The following TUBD1 variants were observed in gnomAD, a reference collection of about 807,000 sequenced individuals.
The protein encoded by TUBD1 is tubulin delta 1.
TUBD1 carries 38 observed loss-of-function variants against 51.2 expected under a neutral mutation model. The ratio of observed to expected loss-of-function variants is 0.74; its 90% CI spans 0.57 to 0.97. The LOEUF (loss-of-function observed/expected upper bound fraction) is 0.97. TUBD1 is among the 50% of genes least tolerant of loss of function. The probability of loss-of-function intolerance (pLI) is 0.00; values close to 1 mark genes in which losing one functional copy is unlikely to be tolerated. For synonymous variants in TUBD1, 169 were observed against 178.2 expected (o/e 0.95, Z 0.41); for missense variants, 489 against 538.4 (o/e 0.91, Z 0.91).
intron 6 of TUBD1, 112 bp downstream of exon 6, chr17:59,874,427 T>C (rs1370775809): frequency 1.9e-6 from 2 of 1,042,588 alleles, no homozygotes; most frequent in African/African-American, 3.2e-5. Flanking sequence ...GGAGTCTCTC[T>C]AGCCAGAAAA....
At chr17:59,870,372 C>CAAAAAA (rs530315478) in intron 6 of TUBD1, among the ~76,000 whole-genome samples, 65 of 77,948 alleles carry the variant, frequency 8.3e-4, no homozygotes, top group Non-Finnish European at 1.1e-3. Context: ...CTCCATCTCA[C>CAAAAAA]AAAAAAAAAA....
At chr17:59,869,352 T>C (rs987114787) in intron 6 of TUBD1, among the ~76,000 whole-genome samples, 7 of 151,698 alleles carry the variant, frequency 4.6e-5, no homozygotes, top group African/African-American at 1.7e-4. Context: ...GGTGCGCACC[T>C]GTAGTCCCAG....
intron 6 of TUBD1, among the ~76,000 whole-genome samples, chr17:59,872,387 A>G (rs1445957239): frequency 3.9e-5 from 6 of 152,160 alleles, no homozygotes; most frequent in African/African-American, 1.4e-4. Flanking sequence ...GAGCCATCAC[A>G]TCTGAGAAGG....
At chr17:59,871,345 G>A (rs918524140) in intron 6 of TUBD1, among the ~76,000 whole-genome samples, 4 of 152,080 alleles carry the variant, frequency 2.6e-5, no homozygotes, top group South Asian at 2.1e-4. Context: ...GACTACAGGC[G>A]CCCGCCACCA....
chr17:59,878,424 C>G (rs2040325012), intron 4 of TUBD1, 90 bp from the exon 5 acceptor site: 1 of 895,154 alleles, frequency 1.1e-6, no homozygotes, highest in East Asian at 2.6e-5. Context: ...GGGTTCAAAT[C>G]CGGGCTCTGT....
At chr17:59,880,140 C>T (rs112500950) in intron 4 of TUBD1, among the ~76,000 whole-genome samples, 3,445 of 152,058 alleles carry the variant, frequency 0.023, 126 homozygotes, top group African/African-American at 0.078. Flanking sequence ...TCACTGCAGC[C>T]TCTGCCTCCC....
Position 59,890,814 on chromosome 17 carries a change from C to G in TUBD1, c.172+17G>C. On this transcript the variant is annotated intron_variant, in intron 2 of 8. Coordinates refer to ENST00000325752, the MANE Select transcript of TUBD1 (RefSeq NM_016261.4). The stretch of plus-strand genomic sequence containing the variant: ...GGTTAGATCAGAGTAAAGGAGAGGA[C>G]TGTGGGCCACACCTACCTCCATTCT... The G allele has an allele frequency of 6.3e-7, 1 of 1,597,190 alleles. No homozygotes were observed. The highest frequency in any genetic ancestry group is 1.3e-5 in the African/African-American group (1 of 74,554).
In TUBD1 at chr17:59,892,941, T is replaced by C; in HGVS notation, c.-284A>G. 1.9e-6 allele frequency: 1 copy of C among 533,156 alleles called. No individual in the cohort carries two copies. Among genetic ancestry groups the C allele is most frequent in the Non-Finnish European group, 3.4e-6 (1 of 296,902 alleles). The allele number at this position is 533,156 out of a possible 1,614,324, so 33.0% of individuals were successfully genotyped here. On this transcript the variant is annotated 5_prime_UTR_variant, in exon 1 of 9. Transcript: ENST00000325752. ...GTCCACCGAACGCTCCAGCTGACAA[T>C]GCGCATGCTCTAGTCCTCCAAGCGC...
At chr17:59,860,478 T>C (rs2039389196) in intron 8 of TUBD1, 54 bp from the exon 9 acceptor site, 1 of 1,138,050 alleles carries the variant, frequency 8.8e-7, no homozygotes, top group Non-Finnish European at 1.3e-6. Flanking sequence ...GTCTGGCAAA[T>C]GAGTAACTCT....
chr17:59,863,398 C>A (rs191653162), intron 8 of TUBD1, among the ~76,000 whole-genome samples: 4 of 152,106 alleles, frequency 2.6e-5, no homozygotes, highest in African/African-American at 9.7e-5. Flanking sequence ...ATCCCGAGGT[C>A]AGAAGTTCGA....
chr17:59,881,288 T>C, intron 3 of TUBD1, 178 bp from the exon 4 acceptor site: 1 of 593,164 alleles, frequency 1.7e-6, no homozygotes, highest in Non-Finnish European at 3.0e-6. Context: ...TTGAATATAT[T>C]TAACCCACTT....
intron 7 of TUBD1, among the ~76,000 whole-genome samples, chr17:59,866,230 T>G (rs1334935825): frequency 1.4e-5 from 2 of 143,466 alleles, no homozygotes; most frequent in Non-Finnish European, 3.0e-5. Context: ...AGAAAACAAT[T>G]CTTTTTTTTT....
At chr17:59,877,161 C>T (rs2040264309) in intron 5 of TUBD1, among the ~76,000 whole-genome samples, 1 of 152,142 alleles carries the variant, frequency 6.6e-6, no homozygotes, top group Non-Finnish European at 1.5e-5. Context: ...GCCTGGCCAC[C>T]TTGACCATTC....
intron 2 of TUBD1, 52 bp downstream of exon 2, chr17:59,890,779 T>C: frequency 6.9e-7 from 1 of 1,445,184 alleles, no homozygotes; most frequent in Admixed American, 2.5e-5. Context: ...GGCCTGGCTT[T>C]GAAGGGGTTG....
chr17:59,883,065 G>C (rs751383161), intron 3 of TUBD1, among the ~76,000 whole-genome samples: 16 of 151,700 alleles, frequency 1.1e-4, no homozygotes, highest in Non-Finnish European at 1.9e-4. Context: ...GATCACAAGC[G>C]AGAGCCACCA....
chr17:59,877,641 G>T (rs898854493), intron 5 of TUBD1, among the ~76,000 whole-genome samples: 1 of 152,204 alleles, frequency 6.6e-6, no homozygotes, highest in African/African-American at 2.4e-5. Context: ...GGTAGCACGT[G>T]CCTATAGTGT....
chr17:59,862,490 G>A (rs2039497489), intron 8 of TUBD1, among the ~76,000 whole-genome samples: 2 of 151,892 alleles, frequency 1.3e-5, no homozygotes, highest in South Asian at 4.1e-4. Context: ...TAATCTTATT[G>A]AGGAACATAA....
At chr17:59,861,423 T>C (rs1387086554) in intron 8 of TUBD1, among the ~76,000 whole-genome samples, 1 of 151,890 alleles carries the variant, frequency 6.6e-6, no homozygotes, top group East Asian at 1.9e-4. Context: ...GGTCTTGAAT[T>C]CCTGGCCTCA....
intron 3 of TUBD1, among the ~76,000 whole-genome samples, chr17:59,881,483 T>C (rs906446165): frequency 2.0e-5 from 3 of 152,122 alleles, no homozygotes; most frequent in Non-Finnish European, 4.4e-5. Context: ...GTATAGAAAG[T>C]TCTCTTTATT....
Sources: gnomAD v4.1 joint callset for allele counts (sites outside exome capture counted in the v4.1 genomes callset) on GRCh38, gnomAD v4.1.1 for gene constraint, MANE v1.5 for transcripts, NCBI Gene and HGNC (gene_info 2026-07-23, HGNC 2026-07-21) for gene names.